TMEM245: variants seen among roughly 807,000 people sequenced by gnomAD.
TMEM245 encodes transmembrane protein 245, also known as protein CG-2.
A neutral mutation model predicts 101.2 loss-of-function variants in TMEM245; 69 were observed. The ratio of observed to expected loss-of-function variants is 0.68; its 90% confidence interval spans 0.56 to 0.83. The LOEUF is 0.83. Among genes scored for constraint, TMEM245 ranks in the 40% least tolerant of loss-of-function variants. The probability of loss-of-function intolerance (pLI) is 0.00; values close to 1 mark genes in which losing one functional copy is unlikely to be tolerated. For missense variants in TMEM245, 1,075 were observed against 1,092.8 expected, an observed-to-expected ratio of 0.98 and a Z score of 0.23; for synonymous variants, 537 against 449.8, an observed-to-expected ratio of 1.19 and a Z score of -2.45.
At chr9:109,074,555 AAGAGATC>A (rs1193734208) in intron 8 of TMEM245, among the ~76,000 whole-genome samples, 1 of 152,168 alleles carries the variant, frequency 6.6e-6, no homozygotes, top group Non-Finnish European at 1.5e-5. Flanking sequence ...AATCAGAGGA[AAGAGATC>A]AAAGTCCCCC....
At chr9:109,027,705 C>T (rs904289735) in intron 17 of TMEM245, among the ~76,000 whole-genome samples, 1 of 152,012 alleles carries the variant, frequency 6.6e-6, no homozygotes, top group African/African-American at 2.4e-5. Flanking sequence ...GAGTCTCGCT[C>T]TGTTGCCCAG....
chr9:109,028,667 A>C (rs1827861182), intron 17 of TMEM245, among the ~76,000 whole-genome samples: 1 of 152,136 alleles, frequency 6.6e-6, no homozygotes. Context: ...GGCTGGGTCT[A>C]ATCAGGCGAG....
At chr9:109,042,797 C>A (rs1329146512) in intron 14 of TMEM245, among the ~76,000 whole-genome samples, 2 of 147,824 alleles carry the variant, frequency 1.4e-5, no homozygotes, top group Non-Finnish European at 3.0e-5. Context: ...TTTTTTTTAA[C>A]TTTTCTTCTT....
chr9:109,075,082 G>A (rs1829458163), intron 8 of TMEM245, among the ~76,000 whole-genome samples: 2 of 152,170 alleles, frequency 1.3e-5, no homozygotes, highest in South Asian at 4.1e-4. Flanking sequence ...ACTAAATGAG[G>A]CTAAGGAACA....
chr9:109,062,453 T>A (rs113598570), intron 10 of TMEM245, among the ~76,000 whole-genome samples: 1,538 of 152,336 alleles, frequency 0.01, 11 homozygotes, highest in Non-Finnish European at 0.013. Flanking sequence ...TTAACAGGTG[T>A]GAAATGTAGC....
intron 3 of TMEM245, 64 bp from the exon 4 acceptor site, chr9:109,093,655 C>G (rs984764457): frequency 1.3e-5 from 17 of 1,269,208 alleles, no homozygotes; most frequent in Non-Finnish European, 1.7e-5. Context: ...CAAATTTAAA[C>G]ACAGTCCAAC....
chr9:109,087,799 T>C (rs1429862741), intron 5 of TMEM245, among the ~76,000 whole-genome samples: 1 of 152,208 alleles, frequency 6.6e-6, no homozygotes, highest in East Asian at 1.9e-4. Context: ...CAGAAAAGTA[T>C]AAGGTATTCC....
At chr9:109,036,674 T>C (rs1487750100) in intron 15 of TMEM245, among the ~76,000 whole-genome samples, 2 of 152,222 alleles carry the variant, frequency 1.3e-5, no homozygotes, top group South Asian at 4.1e-4. Flanking sequence ...CAATCAATAG[T>C]TAATATACGG....
chr9:109,115,283 G>GC (rs1294886020), intron 1 of TMEM245, among the ~76,000 whole-genome samples: 1 of 152,080 alleles, frequency 6.6e-6, no homozygotes, highest in Non-Finnish European at 1.5e-5. Context: ...GGCAGAGCTT[G>GC]CAGTGAGCTG....
At chr9:109,042,838 A>AG in intron 14 of TMEM245, among the ~76,000 whole-genome samples, 1 of 130,586 alleles carries the variant, frequency 7.7e-6, no homozygotes, top group Non-Finnish European at 1.6e-5. Flanking sequence ...TATAGCTGAC[A>AG]ATTTTTTTTT....
At chr9:109,087,419 C>A in intron 5 of TMEM245, 77 bp from the exon 6 acceptor site, 1 of 1,356,126 alleles carries the variant, frequency 7.4e-7, no homozygotes, top group South Asian at 1.5e-5. Context: ...ACCTTAATTT[C>A]ACAAAACCTT....
chr9:109,047,192 G>A (rs1282508405), intron 14 of TMEM245, among the ~76,000 whole-genome samples: 2 of 152,004 alleles, frequency 1.3e-5, no homozygotes, highest in African/African-American at 4.8e-5. Flanking sequence ...AATTTTTTCT[G>A]TATTTAAAAT....
Position 109,036,463 on chromosome 9 carries a change from C to A in TMEM245, c.2225-83G>T. 4 of 1,315,754 alleles carry A rather than the reference C, an allele frequency of 3.0e-6. No homozygotes were observed. In the South Asian group the frequency reaches 7.0e-5, roughly 23 times the overall value. The allele number at this position is 1,315,754 out of a possible 1,614,324, so 81.5% of individuals were successfully genotyped here. On this transcript the variant is annotated intron_variant, in intron 15 of 17. Coordinates refer to ENST00000374586, the MANE Select transcript of TMEM245 (RefSeq NM_032012.4). ...AAAAGAATCTAAGCAGTAGCTCCTC[C>A]TCAACAACTTCCAACAAAACAAGTT...
intron 8 of TMEM245, among the ~76,000 whole-genome samples, chr9:109,077,324 C>G (rs1382411117): frequency 6.6e-6 from 1 of 151,894 alleles, no homozygotes; most frequent in African/African-American, 2.4e-5. Flanking sequence ...CTAATTTTTT[C>G]TATTCTTTGT....
intron 2 of TMEM245, among the ~76,000 whole-genome samples, 180 bp downstream of exon 2, chr9:109,108,273 T>G (rs1463788224): frequency 1.3e-5 from 2 of 152,052 alleles, no homozygotes; most frequent in African/African-American, 4.8e-5. Context: ...TTAAAGACAT[T>G]TTAAAGCACA....
rs1828117552 is a variant in TMEM245 at position 109,036,217 on chromosome 9, A to G, written c.2388T>C (p.Ser796=). 6.2e-7 allele frequency: 1 copy of G among 1,607,808 alleles called. No homozygotes were observed. The highest frequency in any genetic ancestry group is 8.5e-7 in the Non-Finnish European group (1 of 1,178,488). Residue 796 remains serine, a synonymous_variant, in exon 16 of 18, where the codon TCT becomes TCC. Transcript: ENST00000374586. ...PTYFVDTAIY[S]DISGGGHPYL... is the part of the protein sequence containing the mutation. ...TGTGGCTTACTTACCCTGATATGTC[A>G]GAGTAGATTGCAGTATCTACAAAGT... is the stretch of plus-strand genomic sequence containing the variant.
intron 14 of TMEM245, chr9:109,042,630 C>T (rs1408438203): frequency 6.6e-6 from 1 of 152,058 alleles, no homozygotes; most frequent in Non-Finnish European, 1.5e-5. Context: ...TCTGACTCTC[C>T]TGCCTTTGTT....
intron 3 of TMEM245, among the ~76,000 whole-genome samples, chr9:109,100,209 C>G (rs1434573057): frequency 2.6e-5 from 4 of 152,134 alleles, no homozygotes; most frequent in Non-Finnish European, 5.9e-5. Context: ...ACAACTGATG[C>G]AAGAAGGATG....
chr9:109,022,788 C>T (rs1314719556), intron 17 of TMEM245, among the ~76,000 whole-genome samples: 1 of 152,188 alleles, frequency 6.6e-6, no homozygotes, highest in African/African-American at 2.4e-5. Context: ...CTGAAAAGCC[C>T]TGGAAAATCT....
Sources: allele counts gnomAD v4.1 joint callset (sites outside exome capture counted in the v4.1 genomes callset), GRCh38; gene constraint gnomAD v4.1.1; transcripts MANE v1.5; gene names NCBI Gene and HGNC (gene_info 2026-07-23, HGNC 2026-07-21).